ITIH3: variants seen among roughly 807,000 people sequenced by gnomAD.
The protein encoded by ITIH3 is inter-alpha-trypsin inhibitor heavy chain 3, also known as inter-alpha-trypsin inhibitor heavy chain H3.
ITIH3 carries 81 observed loss-of-function variants against 96.5 expected under a neutral mutation model. That is an observed-to-expected ratio of 0.84 (90% confidence interval 0.70 to 1.01). The LOEUF is 1.01. Ranked by LOEUF, ITIH3 falls within the 50% of genes least tolerant of loss-of-function variation. The pLI is 0.00. For missense variants in ITIH3, 1,057 were observed against 1,139.3 expected (o/e 0.93, Z 1.04); for synonymous variants, 422 against 445.2 (o/e 0.95, Z 0.66).
chr3:52,805,389 A>G (rs2154110333), intron 15 of ITIH3: 1 of 1,024,608 alleles, frequency 9.8e-7, no homozygotes, highest in Non-Finnish European at 1.2e-6. Flanking sequence ...ACATATATGC[A>G]TGTGCACGCA....
chr3:52,798,691 G>A, intron 6 of ITIH3: 1 of 485,896 alleles, frequency 2.1e-6, no homozygotes, highest in Non-Finnish European at 3.7e-6. Context: ...ATCAGCCAAG[G>A]CCTGTGCCCA....
chr3:52,800,514 C>G, intron 9 of ITIH3, 24 bp from the exon 10 acceptor site: 1 of 1,550,354 alleles, frequency 6.5e-7, no homozygotes, highest in South Asian at 1.2e-5. Context: ...CACCCTCCCA[C>G]GGTGCTGTCT....
At chr3:52,794,972 G>A in intron 1 of ITIH3, 76 bp downstream of exon 1, 1 of 1,202,674 alleles carries the variant, frequency 8.3e-7, no homozygotes, top group Non-Finnish European at 1.2e-6. Context: ...CAAGGCCTCT[G>A]AGTGGAGTGA....
At chr3:52,800,806 G>A in intron 10 of ITIH3, 143 bp downstream of exon 10, 1 of 1,447,516 alleles carries the variant, frequency 6.9e-7, no homozygotes, top group Non-Finnish European at 9.4e-7. Flanking sequence ...GCAGGGTCCT[G>A]CCTCCCTCTG....
At chr3:52,799,278 T>C (rs1699716611) in intron 7 of ITIH3, 94 bp from the exon 8 acceptor site, 2 of 1,203,820 alleles carry the variant, frequency 1.7e-6, no homozygotes, top group African/African-American at 1.5e-5. Flanking sequence ...CGTCTTTTTC[T>C]TGGGCTGGTA....
rs540923446 is a variant in ITIH3 at position 52,802,257 on chromosome 3, G to A, written c.1384-77G>A. On this transcript the variant is annotated intron_variant, in intron 11 of 21. Coordinates refer to ENST00000449956, the MANE Select transcript of ITIH3 (RefSeq NM_002217.4). ...AGCCATTAGGACGGGCCCAGCCCTG[G>A]GGCATGGATGCCCAGCTGCAGCATC... The A allele has an allele frequency of 5.4e-6, 8 of 1,486,192 alleles. No homozygotes were observed. In the African/African-American group the frequency reaches 7.0e-5, roughly 13 times the overall value. 92.1% of individuals were successfully genotyped at this position (1,486,192 alleles called of 1,614,324 possible).
At position 52,802,700 on chromosome 3, in the gene ITIH3, G is replaced by C; in HGVS notation, c.1603G>C (p.Asp535His). ...CGACCTGACCTTCACAGAGGAGGTG[G>C]ACATGAAGGAGATGGAGAAGGCCCT... ...TNDLTFTEEV[D>H]MKEMEKALQE... The change falls in exon 13 of 22, where the codon GAC (aspartate) becomes CAC (histidine). Residue 535 changes from aspartate (D) to histidine (H), a missense_variant. Asp to His is a moderately conservative substitution (Grantham distance 81). Coordinates refer to ENST00000449956, the MANE Select transcript of ITIH3 (RefSeq NM_002217.4). The C allele has an allele frequency of 6.2e-7, 1 of 1,613,942 alleles. No individual in the cohort carries two copies. The highest frequency in any genetic ancestry group is 8.5e-7 in the Non-Finnish European group (1 of 1,179,884).
intron 9 of ITIH3, 24 bp from the exon 10 acceptor site, chr3:52,800,514 C>T (rs771099686): frequency 8.1e-5 from 125 of 1,550,240 alleles, no homozygotes; most frequent in Admixed American, 1.8e-4. Flanking sequence ...CACCCTCCCA[C>T]GGTGCTGTCT....
chr3:52,799,379 A>G lies in ITIH3; in HGVS notation c.797A>G (p.Asn266Ser), dbSNP rs902415072. Residue 266 changes from asparagine (N) to serine (S), a missense_variant, in exon 8 of 22, where the codon AAT (asparagine) becomes AGT (serine). Coordinates refer to ENST00000449956, the MANE Select transcript of ITIH3 (RefSeq NM_002217.4). ...CCTCTCCCCACTTTCCAGATAGTCA[A>G]TGGCTACTTCGTGCACTTCTTTGCA... The part of the protein sequence containing the change: ...RESPGNVQIV[N>S]GYFVHFFAPQ... 4 of 1,594,504 alleles carry G rather than the reference A, an allele frequency of 2.5e-6. No individual in the cohort carries two copies. The highest frequency in any genetic ancestry group is 3.4e-6 in the Non-Finnish European group (4 of 1,170,782).
In ITIH3 at chr3:52,800,574, G is replaced by T; in HGVS notation, c.1112G>T (p.Ser371Ile). 1 of 1,562,802 alleles carries T rather than the reference G, an allele frequency of 6.4e-7. No individual in the cohort carries two copies. Among genetic ancestry groups the T allele is most frequent in the Non-Finnish European group, 8.7e-7 (1 of 1,153,222 alleles). The part of the protein sequence containing the change: ...NINDGLLRGI[S>I]MLNKAREEHR... Reference sequence around the variant, plus strand: ...AATGACGGGCTGCTGAGGGGCATCAGTATGCTGAACAAGGCCCGAGAGGAG... The same window carrying T: ...AATGACGGGCTGCTGAGGGGCATCATTATGCTGAACAAGGCCCGAGAGGAG... Residue 371 changes from serine (S) to isoleucine (I), a missense_variant, in exon 10 of 22, where the codon AGT (serine) becomes ATT (isoleucine). Transcript: ENST00000449956.
At chr3:52,803,308 TTTATTTTATTATTATTA>T (rs1350635215) in intron 13 of ITIH3, among the ~76,000 whole-genome samples, 2,578 of 123,466 alleles carry the variant, frequency 0.021, 95 homozygotes, top group African/African-American at 0.12. Context: ...ATTTATTTAT[TTTATTTTATTATTATTA>T]TTTTTTTTTT....
intron 15 of ITIH3, chr3:52,804,997 T>G: frequency 2.0e-6 from 1 of 512,776 alleles, no homozygotes; most frequent in Non-Finnish European, 3.6e-6. Flanking sequence ...ATGAGCAATT[T>G]AGCATGTCAG....
chr3:52,803,914 T>G lies in ITIH3; in HGVS notation c.1769T>G (p.Leu590Arg). The change falls in exon 14 of 22, where the codon CTC becomes CGC. Residue 590 changes from leucine to arginine, a missense_variant. Physicochemically the swap from Leu to Arg is moderately radical, Grantham distance 102. Coordinates refer to ENST00000449956, the MANE Select transcript of ITIH3 (RefSeq NM_002217.4). Reference protein sequence around the residue: ...NLTARALDLSLKYHFVTPLTS... With the variant: ...NLTARALDLSRKYHFVTPLTS... ...ACGGCCCGGGCCCTGGACCTGTCCC[T>G]CAAGTATCACTTTGTGACTCCACTG... 6.2e-7 allele frequency: 1 copy of G among 1,613,954 alleles called. No homozygotes were observed. Among genetic ancestry groups the G allele is most frequent in the East Asian group, 2.2e-5 (1 of 44,872 alleles).
chr3:52,796,875 T>C, intron 4 of ITIH3, 32 bp downstream of exon 4: 1 of 1,470,528 alleles, frequency 6.8e-7, no homozygotes, highest in Non-Finnish European at 9.3e-7. Flanking sequence ...TTGGGGAGAA[T>C]GTCTGGGATC....
Position 52,799,916 on chromosome 3 carries a change from A to G in ITIH3, c.1070A>G (p.Lys357Arg), listed in dbSNP as rs776658926. 5.0e-6 allele frequency: 8 copies of G among 1,613,278 alleles called. 1 individual carries two copies. In the African/African-American group the frequency reaches 1.1e-4, roughly 22 times the overall value. ...ARTFVKSMED[K>R]GMTNINDGLL... is the part of the protein sequence containing the mutation. ...ACGTTTGTGAAGAGCATGGAGGATA[A>G]AGGAAGTAAGAGCGGAGCTGGAGCC... Residue 357 changes from lysine to arginine, a missense_variant, in exon 9 of 22, where the codon AAA becomes AGA. Transcript: ENST00000449956.
rs1559473840 is a variant in ITIH3, at chr3:52,805,807, GCCAC to G, written c.1874_1877del (p.Ala625AspfsTer3). The G allele has an allele frequency of 1.2e-6, 2 of 1,613,810 alleles. No homozygotes were observed. The highest frequency in any genetic ancestry group is 1.7e-6 in the Non-Finnish European group (2 of 1,179,782). ...CTCACCACTGCCCTTCGGCTTTTCA[GCCAC>G]ACCGGTGAGCCCCGCCATGTCCTAC... On this transcript the variant is annotated frameshift_variant and splice_region_variant, in exon 16 of 22. Transcript: ENST00000449956. LOFTEE classifies it high-confidence loss of function.
intron 13 of ITIH3, among the ~76,000 whole-genome samples, chr3:52,803,285 TATTTATTTATTTATTTA>T (rs1436664453): frequency 1.4e-5 from 2 of 143,828 alleles, no homozygotes; most frequent in South Asian, 2.2e-4. Context: ...TTTATTTATT[TATTTATTTATTTATTTA>T]TTTATTTTAT....
At chr3:52,808,346 G>A in intron 21 of ITIH3, 125 bp downstream of exon 21, 2 of 1,057,582 alleles carry the variant, frequency 1.9e-6, no homozygotes, top group Admixed American at 4.5e-5. Flanking sequence ...TCCCTTTGAG[G>A]TCTTGGCCCC....
At chr3:52,799,185 G>C in intron 7 of ITIH3, 94 bp downstream of exon 7, 2 of 1,479,404 alleles carry the variant, frequency 1.4e-6, no homozygotes, top group Admixed American at 1.9e-5. Context: ...TGGGTCCTCA[G>C]CCCAAGGCTG....
Sources: gnomAD v4.1 joint callset for allele counts (sites outside exome capture counted in the v4.1 genomes callset) on GRCh38, gnomAD v4.1.1 for gene constraint, MANE v1.5 for transcripts, NCBI Gene and HGNC (gene_info 2026-07-23, HGNC 2026-07-21) for gene names.